DNAJC12: variants seen among roughly 807,000 people sequenced by gnomAD.
DNAJC12 encodes dnaJ homolog subfamily C member 12.
DNAJC12 carries 25 observed loss-of-function variants against 28.5 expected under a neutral mutation model. That is an observed-to-expected ratio of 0.88 (90% CI 0.64 to 1.22). The LOEUF is 1.22. Among genes scored for constraint, DNAJC12 ranks in the 50% most tolerant of loss-of-function variants. The pLI is 0.00. For synonymous variants in DNAJC12, 77 were observed against 80.6 expected, an observed-to-expected ratio of 0.95 and a Z score of 0.24; for missense variants, 222 against 231.7, an observed-to-expected ratio of 0.96 and a Z score of 0.27.
At chr10:67,826,902 T>G (rs1842041511) in intron 1 of DNAJC12, among the ~76,000 whole-genome samples, 1 of 140,380 alleles carries the variant, frequency 7.1e-6, no homozygotes, top group Non-Finnish European at 1.5e-5. Context: ...CTATTATATG[T>G]CATTATATAT....
chr10:67,837,488 T>C (rs1364110606), intron 1 of DNAJC12, among the ~76,000 whole-genome samples: 1 of 152,152 alleles, frequency 6.6e-6, no homozygotes, highest in Non-Finnish European at 1.5e-5. Context: ...GTTTCTATTT[T>C]GACTGCTCAC....
Position 67,838,039 on chromosome 10 carries a change from C to T in DNAJC12, c.-28G>A, listed in dbSNP as rs1428712149. 1 of 1,506,378 alleles carries T rather than the reference C, an allele frequency of 6.6e-7. No individual in the cohort carries two copies. Among genetic ancestry groups the T allele is most frequent in the Non-Finnish European group, 9.1e-7 (1 of 1,094,186 alleles). The allele number at this position is 1,506,378 out of a possible 1,614,324, so 93.3% of individuals were successfully genotyped here. ...AGATGACTTAATCAGTCCTTCTTCC[C>T]TCGGAAACAAGAGGCACAGTGAGCT... On this transcript the variant is annotated 5_prime_UTR_variant, in exon 1 of 5. Transcript: ENST00000225171.
At chr10:67,831,879 G>C (rs1173711101) in intron 1 of DNAJC12, among the ~76,000 whole-genome samples, 2 of 152,200 alleles carry the variant, frequency 1.3e-5, no homozygotes, top group Non-Finnish European at 2.9e-5. Context: ...TAACTATAGT[G>C]TAATAGGAGC....
intron 2 of DNAJC12, chr10:67,815,995 T>A: frequency 2.5e-6 from 1 of 398,250 alleles, no homozygotes; most frequent in East Asian, 3.6e-5. Flanking sequence ...ATTTTTCCAT[T>A]AATGTAGCAA....
chr10:67,827,066 G>A (rs1453875981), intron 1 of DNAJC12, among the ~76,000 whole-genome samples: 1 of 150,980 alleles, frequency 6.6e-6, no homozygotes, highest in Non-Finnish European at 1.5e-5. Flanking sequence ...CGTTGCTGTT[G>A]TTTTATTTTT....
At chr10:67,797,454 T>C (rs1484449514) in intron 4 of DNAJC12, among the ~76,000 whole-genome samples, 1 of 152,130 alleles carries the variant, frequency 6.6e-6, no homozygotes, top group East Asian at 1.9e-4. Flanking sequence ...TAAGAGGAAA[T>C]ACATAGATGC....
chr10:67,797,746 ATG>A (rs1841689155), intron 4 of DNAJC12, among the ~76,000 whole-genome samples: 1 of 152,240 alleles, frequency 6.6e-6, no homozygotes, highest in South Asian at 2.1e-4. Flanking sequence ...ACTCGTTAAA[ATG>A]TATAAACCTT....
chr10:67,802,165 C>T (rs1387936832), intron 4 of DNAJC12, among the ~76,000 whole-genome samples: 2 of 152,186 alleles, frequency 1.3e-5, no homozygotes, highest in Non-Finnish European at 1.5e-5. Flanking sequence ...CAGCTGGCTC[C>T]ACTTCATTCT....
chr10:67,834,480 A>G (rs1016420654), intron 1 of DNAJC12, among the ~76,000 whole-genome samples: 6 of 152,190 alleles, frequency 3.9e-5, no homozygotes, highest in African/African-American at 1.4e-4. Flanking sequence ...GTATTATTTA[A>G]TCCCCACAAC....
intron 1 of DNAJC12, among the ~76,000 whole-genome samples, chr10:67,825,810 T>C (rs970117462): frequency 4.6e-5 from 7 of 152,208 alleles, no homozygotes; most frequent in African/African-American, 1.4e-4. Flanking sequence ...CTTCGAATAA[T>C]AGGAAAAGAT....
At chr10:67,813,790 T>C (rs1264128000) in intron 2 of DNAJC12, among the ~76,000 whole-genome samples, 1 of 150,518 alleles carries the variant, frequency 6.6e-6, no homozygotes, top group Non-Finnish European at 1.5e-5. Flanking sequence ...AAGAAGAATA[T>C]AATATTTTTA....
chr10:67,830,242 C>T (rs1232355058), intron 1 of DNAJC12, among the ~76,000 whole-genome samples: 5 of 151,990 alleles, frequency 3.3e-5, no homozygotes, highest in African/African-American at 9.7e-5. Flanking sequence ...GCCTGGGAGG[C>T]GGAGGTTGCA....
chr10:67,823,994 T>G (rs1842005663), intron 1 of DNAJC12, among the ~76,000 whole-genome samples: 1 of 152,064 alleles, frequency 6.6e-6, no homozygotes. Context: ...TCCTTGCACT[T>G]TGGGAGGCTG....
chr10:67,817,409 C>T (rs1479357455), intron 2 of DNAJC12, among the ~76,000 whole-genome samples: 1 of 152,146 alleles, frequency 6.6e-6, no homozygotes, highest in Non-Finnish European at 1.5e-5. Flanking sequence ...ATTTCAATGG[C>T]AACAGTTGAG....
At chr10:67,837,368 A>T (rs1329604203) in intron 1 of DNAJC12, among the ~76,000 whole-genome samples, 1 of 152,162 alleles carries the variant, frequency 6.6e-6, no homozygotes. Context: ...TTTCTTACAG[A>T]TCCAGTGAAC....
At chr10:67,804,656 T>G (rs1841780932) in intron 4 of DNAJC12, among the ~76,000 whole-genome samples, 1 of 152,220 alleles carries the variant, frequency 6.6e-6, no homozygotes, top group Non-Finnish European at 1.5e-5. Context: ...TGTAGCTTGG[T>G]AGCCAGGAGG....
intron 3 of DNAJC12, among the ~76,000 whole-genome samples, chr10:67,806,289 A>G (rs946097834): frequency 6.6e-6 from 1 of 152,234 alleles, no homozygotes; most frequent in African/African-American, 2.4e-5. Context: ...CAAGACTAGA[A>G]GGAAACATAG....
intron 3 of DNAJC12, among the ~76,000 whole-genome samples, chr10:67,809,319 T>A (rs1297466851): frequency 6.6e-6 from 1 of 152,138 alleles, no homozygotes; most frequent in African/African-American, 2.4e-5. Flanking sequence ...ATGACAAAGA[T>A]ACATTTCCCT....
At chr10:67,802,918 G>A (rs978730601) in intron 4 of DNAJC12, among the ~76,000 whole-genome samples, 4 of 150,420 alleles carry the variant, frequency 2.7e-5, no homozygotes, top group Non-Finnish European at 4.4e-5. Flanking sequence ...TGGTGCAATC[G>A]CAGCTCACTG....
Sources: allele counts gnomAD v4.1 joint callset (sites outside exome capture counted in the v4.1 genomes callset), GRCh38; gene constraint gnomAD v4.1.1; transcripts MANE v1.5; gene names NCBI Gene and HGNC (gene_info 2026-07-23, HGNC 2026-07-21).